Variants in IL1RL2 observed in about 807,000 individuals in gnomAD.
IL1RL2 encodes the protein interleukin 1 receptor like 2.
In IL1RL2, 68 loss-of-function variants were observed where a neutral mutation model predicts 66.8. The observed-to-expected ratio is 1.02, with a 90% CI of 0.84 to 1.25. The LOEUF is 1.25. Ranked by LOEUF, IL1RL2 falls within the 50% of genes most tolerant of loss-of-function variation. IL1RL2 has a pLI of 0.00. For synonymous variants in IL1RL2, 305 were observed against 264.6 expected, an observed-to-expected ratio of 1.15 and a Z score of -1.48; for missense variants, 729 against 709.3, an observed-to-expected ratio of 1.03 and a Z score of -0.32.
chr2:102,224,034 T>A (rs1690379771), intron 8 of IL1RL2, among the ~76,000 whole-genome samples: 1 of 152,202 alleles, frequency 6.6e-6, no homozygotes, highest in Non-Finnish European at 1.5e-5. Context: ...GCCATGTATT[T>A]AAAGATGTGC....
intron 8 of IL1RL2, among the ~76,000 whole-genome samples, chr2:102,220,602 G>A (rs1345865474): frequency 6.6e-6 from 1 of 152,116 alleles, no homozygotes; most frequent in African/African-American, 2.4e-5. Context: ...TATCAGGGGA[G>A]GTGTGTGAAA....
In IL1RL2 at chr2:102,234,957, TC is replaced by T; in HGVS notation, c.1362del (p.Glu455AsnfsTer8). The T allele has an allele frequency of 6.2e-7, 1 of 1,614,126 alleles. No individual in the cohort carries two copies. Among genetic ancestry groups the T allele is most frequent in the Non-Finnish European group, 8.5e-7 (1 of 1,180,028 alleles). ...KLCRRLIVIV[V>X]PESLGFGLLK... ...TGCAGGAGGCTGATTGTCATTGTGG[TC>T]CCCGAATCGCTGGGCTTTGGCCTGT... On this transcript the variant is annotated frameshift_variant, in exon 11 of 12. Transcript: ENST00000264257. LOFTEE classifies it high-confidence loss of function.
At chr2:102,188,930 T>G (rs544453814) in intron 2 of IL1RL2, 146 bp from the exon 3 acceptor site, 234 of 617,202 alleles carry the variant, frequency 3.8e-4, no homozygotes, top group Non-Finnish European at 6.2e-4. Flanking sequence ...GCAGGCTATT[T>G]TTAGGAAACT....
chr2:102,190,183 C>G lies in IL1RL2; in HGVS notation c.293+873C>G, dbSNP rs36024719. ...TGCCCCTCAAAGGTAGCTGTCTATT[C>G]AGGTCAAGCCCATCTTCTCACTTTT... On this transcript the variant is annotated intron_variant, in intron 3 of 11. Coordinates refer to ENST00000264257, the MANE Select transcript of IL1RL2 (RefSeq NM_003854.4). Among the ~76,000 whole-genome samples, 1,292 of 152,282 alleles carry G rather than the reference C, an allele frequency of 8.5e-3. 24 individuals are homozygous for G. The highest frequency in any genetic ancestry group is 0.03 in the African/African-American group (1,234 of 41,548).
Position 102,225,987 on chromosome 2 carries a change from A to G in IL1RL2, c.1081A>G (p.Ile361Val). 1 of 1,608,630 alleles carries G rather than the reference A, an allele frequency of 6.2e-7. No individual in the cohort carries two copies. The highest frequency in any genetic ancestry group is 8.5e-7 in the Non-Finnish European group (1 of 1,177,334). The change falls in exon 9 of 12, where the codon ATC (isoleucine) becomes GTC (valine). Residue 361 changes from isoleucine to valine, a missense_variant. Physicochemically the swap from Ile to Val is conservative, Grantham distance 29. Transcript: ENST00000264257. ...TGTGTACATATACAACATTTTTAAG[A>G]TCGACATTGTTCTTTGGTATCGAAG... ...SVVYIYNIFK[I>V]DIVLWYRSAF...
chr2:102,213,278 C>T (rs192450386), intron 6 of IL1RL2, among the ~76,000 whole-genome samples: 1 of 152,242 alleles, frequency 6.6e-6, no homozygotes, highest in East Asian at 1.9e-4. Context: ...AGATCACTCT[C>T]AGAAACATCT....
At chr2:102,195,647 C>T (rs1578101159) in intron 4 of IL1RL2, among the ~76,000 whole-genome samples, 1 of 55,200 alleles carries the variant, frequency 1.8e-5, no homozygotes. Flanking sequence ...CTCTCTCTCT[C>T]TTTCTTTCTT....
chr2:102,238,466 C>T (rs1434392453), intron 11 of IL1RL2, among the ~76,000 whole-genome samples: 1 of 152,198 alleles, frequency 6.6e-6, no homozygotes, highest in East Asian at 1.9e-4. Context: ...ATGGAATGTG[C>T]TCAGGGAGCC....
rs539069294 is a variant in IL1RL2, at chr2:102,226,177, T to C, written c.1135+136T>C. 3.7e-4 allele frequency: 225 copies of C among 615,896 alleles called. 1 individual carries two copies. Among genetic ancestry groups the C allele is most frequent in the Non-Finnish European group, 3.6e-5 (14 of 387,214 alleles). 38.2% of individuals were successfully genotyped at this position (615,896 alleles called of 1,614,324 possible). A position where few individuals can be genotyped will look rare whatever the true frequency, so the allele number is the denominator to read the frequency against. On this transcript the variant is annotated intron_variant, in intron 9 of 11. Transcript: ENST00000264257. Reference sequence around the variant, plus strand: ...GGAAAGGAATCTCCTTGGAACTGCCTGTGCTTTAGAGAAATGATTTGTCCC... The same window carrying C: ...GGAAAGGAATCTCCTTGGAACTGCCCGTGCTTTAGAGAAATGATTTGTCCC...
chr2:102,224,784 T>G (rs1243653025), intron 8 of IL1RL2, among the ~76,000 whole-genome samples: 2 of 152,236 alleles, frequency 1.3e-5, no homozygotes, highest in East Asian at 3.9e-4. Context: ...TTATCCCAAT[T>G]GCCCTGATTT....
chr2:102,220,198 G>A (rs935104346), intron 8 of IL1RL2, among the ~76,000 whole-genome samples, 181 bp downstream of exon 8: 6 of 152,148 alleles, frequency 3.9e-5, no homozygotes, highest in Non-Finnish European at 8.8e-5. Flanking sequence ...GTTGGAGTGA[G>A]GCTGTGATTT....
intron 9 of IL1RL2, among the ~76,000 whole-genome samples, chr2:102,227,806 C>T (rs1395091718): frequency 6.6e-6 from 1 of 152,196 alleles, no homozygotes; most frequent in East Asian, 1.9e-4. Flanking sequence ...GTCTCTCTCA[C>T]TGTCTCTCTC....
At chr2:102,234,437 T>TA (rs1237330589) in intron 10 of IL1RL2, among the ~76,000 whole-genome samples, 1 of 135,566 alleles carries the variant, frequency 7.4e-6, no homozygotes, top group Non-Finnish European at 1.5e-5. Context: ...TGACAAATAT[T>TA]AAAAAAAAGA....
chr2:102,234,077 AC>A (rs936685943), intron 10 of IL1RL2, among the ~76,000 whole-genome samples: 1 of 152,014 alleles, frequency 6.6e-6, no homozygotes, highest in Non-Finnish European at 1.5e-5. Flanking sequence ...ATTTAGAGAA[AC>A]CTCCCTTTCC....
rs1403574696 is a variant in IL1RL2, at chr2:102,234,940, G to A, written c.1341G>A (p.Arg447=). 1 of 1,614,068 alleles carries A rather than the reference G, an allele frequency of 6.2e-7. No individual in the cohort carries two copies. Among genetic ancestry groups the A allele is most frequent in the South Asian group, 1.1e-5 (1 of 91,092 alleles). ...VIDENVKLCR[R]LIVIVVPESL... ...ATGAAAACGTTAAGCTGTGCAGGAG[G>A]CTGATTGTCATTGTGGTCCCCGAAT... Residue 447 remains arginine (R), a synonymous_variant, in exon 11 of 12, where the codon AGG becomes AGA. Transcript: ENST00000264257.
chr2:102,235,400 C>G, intron 11 of IL1RL2, 123 bp downstream of exon 11: 2 of 1,477,630 alleles, frequency 1.4e-6, no homozygotes, highest in African/African-American at 1.4e-5. Context: ...CTGGCAGTTG[C>G]GTACTAGTGA....
chr2:102,215,276 G>T (rs1400519667), intron 6 of IL1RL2, among the ~76,000 whole-genome samples: 2 of 152,146 alleles, frequency 1.3e-5, no homozygotes, highest in Non-Finnish European at 2.9e-5. Flanking sequence ...CCACTGTCTT[G>T]GAATTATAGC....
rs764582831 is a variant in IL1RL2, at chr2:102,226,011, A to G, written c.1105A>G (p.Ser369Gly). 1.2e-6 allele frequency: 2 copies of G among 1,603,442 alleles called. No individual in the cohort carries two copies. The highest frequency in any genetic ancestry group is 2.2e-5 in the South Asian group (2 of 89,490). The change falls in exon 9 of 12, where the codon AGT becomes GGT. Residue 369 changes from serine (S) to glycine (G), a missense_variant. Coordinates refer to ENST00000264257, the MANE Select transcript of IL1RL2 (RefSeq NM_003854.4). The stretch of plus-strand genomic sequence containing the variant: ...GATCGACATTGTTCTTTGGTATCGA[A>G]GTGCCTTCCATTCTACAGAGACCAT... ...FKIDIVLWYRSAFHSTETIVD... is the reference protein window; with the variant it reads ...FKIDIVLWYRGAFHSTETIVD...
intron 4 of IL1RL2, among the ~76,000 whole-genome samples, chr2:102,199,033 C>T (rs765033030): frequency 5.3e-5 from 8 of 152,164 alleles, no homozygotes; most frequent in Admixed American, 1.3e-4. Context: ...CTTAGTAACA[C>T]CTTTGCTTAC....
Sources: gnomAD v4.1 joint callset for allele counts (sites outside exome capture counted in the v4.1 genomes callset) on GRCh38, gnomAD v4.1.1 for gene constraint, MANE v1.5 for transcripts, NCBI Gene and HGNC (gene_info 2026-07-23, HGNC 2026-07-21) for gene names.